The following KIAA1549 variants were observed in gnomAD, a reference collection of about 807,000 sequenced individuals.
The protein encoded by KIAA1549 is UPF0606 protein KIAA1549.
In KIAA1549, 70 loss-of-function variants were observed where a neutral mutation model predicts 156.4. The observed-to-expected ratio is 0.45, with a 90% CI of 0.37 to 0.55. KIAA1549 has a LOEUF of 0.55. KIAA1549 is among the 20% of genes least tolerant of loss of function. The pLI, the probability that KIAA1549 is intolerant of heterozygous loss-of-function variation, is 0.00. For missense variants in KIAA1549, 2,428 were observed against 2,540.9 expected (o/e 0.96, Z 0.96); for synonymous variants, 1,103 against 1,066.4 (o/e 1.03, Z -0.67).
chr7:138,972,479 T>G (rs111727565), intron 1 of KIAA1549, among the ~76,000 whole-genome samples: 25 of 150,202 alleles, frequency 1.7e-4, no homozygotes, highest in Non-Finnish European at 4.4e-5. Context: ...CCAGACCACC[T>G]CTTGCCAGCT....
intron 4 of KIAA1549, among the ~76,000 whole-genome samples, chr7:138,910,394 A>ATTATT (rs1482406289): frequency 1.6e-5 from 2 of 123,874 alleles, no homozygotes; most frequent in African/African-American, 6.0e-5. Context: ...TGTTTCTTAA[A>ATTATT]TTCTTTTTTT....
intron 9 of KIAA1549, among the ~76,000 whole-genome samples, chr7:138,898,168 A>G (rs1308019630): frequency 6.6e-6 from 1 of 151,150 alleles, no homozygotes; most frequent in African/African-American, 2.4e-5. Flanking sequence ...TTAGCTGGGC[A>G]TGGTGGTGTG....
At chr7:138,878,955 T>C (rs549575886) in intron 12 of KIAA1549, among the ~76,000 whole-genome samples, 1 of 152,242 alleles carries the variant, frequency 6.6e-6, no homozygotes, top group South Asian at 2.1e-4. Context: ...TCTAAAGACT[T>C]GTGGGTCTCA....
intron 16 of KIAA1549, among the ~76,000 whole-genome samples, chr7:138,854,476 T>C (rs1276230331): frequency 6.6e-6 from 1 of 152,138 alleles, no homozygotes; most frequent in Non-Finnish European, 1.5e-5. Flanking sequence ...AATAATGTCA[T>C]CAGGTGGCAA....
At position 138,917,766 on chromosome 7, in the gene KIAA1549, C is replaced by A; in HGVS notation, c.1860G>T (p.Leu620Phe). 6.3e-7 allele frequency: 1 copy of A among 1,580,048 alleles called. No homozygotes were observed. Among genetic ancestry groups the A allele is most frequent in the Admixed American group, 1.9e-5 (1 of 53,786 alleles). The change falls in exon 2 of 20, where the codon TTG becomes TTT. Residue 620 changes from leucine to phenylalanine, a missense_variant. By Grantham distance (22) the Leu-to-Phe change is conservative. Coordinates refer to ENST00000422774, the MANE Select transcript of KIAA1549 (RefSeq NM_001164665.2). ...SFSEHKPRGALDFASSFFSTP... is the reference protein window; with the variant it reads ...SFSEHKPRGAFDFASSFFSTP... ...TTGAGAAAAAGCTGGATGCAAAATC[C>A]AAAGCACCTCTGGGTTTATGCTCAG...
chr7:138,946,334 T>G (rs1427666625), intron 1 of KIAA1549, among the ~76,000 whole-genome samples: 1 of 152,214 alleles, frequency 6.6e-6, no homozygotes. Flanking sequence ...GACTCTTGAT[T>G]ACTGACCCTA....
At chr7:138,919,887 T>C (rs1248902818) in intron 1 of KIAA1549, among the ~76,000 whole-genome samples, 5 of 152,124 alleles carry the variant, frequency 3.3e-5, no homozygotes, top group Non-Finnish European at 4.4e-5. Flanking sequence ...GTGTGTTTTC[T>C]CTTCAGTGAT....
In KIAA1549 at chr7:138,918,944, G is replaced by C; in HGVS notation, c.682C>G (p.His228Asp). The change falls in exon 2 of 20, where the codon CAT (histidine) becomes GAT (aspartate). Residue 228 changes from histidine (H) to aspartate (D), a missense_variant. Physicochemically the swap from His to Asp is moderately conservative, Grantham distance 81. This residue lies in a region of KIAA1549 where 893 missense variants were observed against 847.9 expected (regional missense o/e 1.05). Coordinates refer to ENST00000422774, the MANE Select transcript of KIAA1549 (RefSeq NM_001164665.2). This position sits in a 1 kb window ranked among gnomAD's most constrained non-coding sequence, Gnocchi z 4.2. ...QPAAYAESAS[H>D]FHTFRSAFRT... Reference sequence around the variant, plus strand: ...AAAGCTGACCGAAAGGTGTGGAAATGACTGGCGGACTCAGCATATGCCGCT... The same window carrying C: ...AAAGCTGACCGAAAGGTGTGGAAATCACTGGCGGACTCAGCATATGCCGCT... The C allele has an allele frequency of 6.2e-7, 1 of 1,614,024 alleles. No homozygotes were observed. The highest frequency in any genetic ancestry group is 1.1e-5 in the South Asian group (1 of 91,064).
chr7:138,838,065 G>A lies in KIAA1549; in HGVS notation c.5694C>T (p.Leu1898=), dbSNP rs1255090297. The change falls in exon 20 of 20, where the codon CTC becomes CTT. Residue 1898 remains leucine, a synonymous_variant. Coordinates refer to ENST00000422774, the MANE Select transcript of KIAA1549 (RefSeq NM_001164665.2). ...GREPSAPSGN[L]PHRGLQGPGL... Reference sequence around the variant, plus strand: ...CAGGGCCCTGCAGTCCCCGGTGGGGGAGGTTCCCGGAAGGAGCTGAGGGCT... The same window carrying A: ...CAGGGCCCTGCAGTCCCCGGTGGGGAAGGTTCCCGGAAGGAGCTGAGGGCT... 8 of 1,593,764 alleles carry A rather than the reference G, an allele frequency of 5.0e-6. No individual in the cohort carries two copies. The highest frequency in any genetic ancestry group is 3.4e-6 in the Non-Finnish European group (4 of 1,170,746).
At chr7:138,906,506 C>T (rs1812009235) in intron 6 of KIAA1549, among the ~76,000 whole-genome samples, 1 of 152,148 alleles carries the variant, frequency 6.6e-6, no homozygotes, top group Non-Finnish European at 1.5e-5. Flanking sequence ...AAAAACTTCA[C>T]TAAAAAAACT....
chr7:138,845,422 A>T (rs896503599), intron 17 of KIAA1549, among the ~76,000 whole-genome samples: 1 of 152,098 alleles, frequency 6.6e-6, no homozygotes, highest in South Asian at 2.1e-4. Context: ...AGATCATCTT[A>T]AAAAAATATT....
chr7:138,871,030 TG>T, intron 13 of KIAA1549, 126 bp downstream of exon 13: 1 of 786,420 alleles, frequency 1.3e-6, no homozygotes, highest in Non-Finnish European at 2.0e-6. Context: ...TTGGCCAGGC[TG>T]GTCTCAAACT....
chr7:138,910,953 G>A (rs1812153149), intron 4 of KIAA1549, among the ~76,000 whole-genome samples, 193 bp downstream of exon 4: 1 of 152,032 alleles, frequency 6.6e-6, no homozygotes, highest in African/African-American at 2.4e-5. Flanking sequence ...GATTGTTCGA[G>A]CTCAGGGGTT....
rs371815913 is a variant in KIAA1549, at chr7:138,972,760, T to C, written c.187+8323A>G. ...CTGCCCAGGTGAACCTCCTCACTTT[T>C]GGTAAATTAGCCATGAGGTCCTTCC... On this transcript the variant is annotated intron_variant, in intron 1 of 19. Coordinates refer to ENST00000422774, the MANE Select transcript of KIAA1549 (RefSeq NM_001164665.2). Among the ~76,000 whole-genome samples the C allele has an allele frequency of 3.3e-5, 5 of 152,176 alleles. No homozygotes were observed. In the South Asian group the frequency reaches 1.0e-3, roughly 32 times the overall value.
chr7:138,963,769 T>C (rs1203852134), intron 1 of KIAA1549, among the ~76,000 whole-genome samples: 1 of 152,198 alleles, frequency 6.6e-6, no homozygotes, highest in Non-Finnish European at 1.5e-5. Context: ...ACCAGTGGTA[T>C]ACACTAACTT....
At chr7:138,915,109 C>T (rs1812280317) in intron 2 of KIAA1549, among the ~76,000 whole-genome samples, 1 of 152,240 alleles carries the variant, frequency 6.6e-6, no homozygotes, top group Non-Finnish European at 1.5e-5. Flanking sequence ...CTCCTCCCAT[C>T]ACAATGCCTA....
chr7:138,868,041 G>A lies in KIAA1549; in HGVS notation c.4863C>T (p.Thr1621=), dbSNP rs375688291. The A allele has an allele frequency of 2.5e-6, 4 of 1,613,856 alleles. No individual in the cohort carries two copies. The highest frequency in any genetic ancestry group is 3.4e-6 in the Non-Finnish European group (4 of 1,179,890). The change falls in exon 15 of 20, where the codon ACC becomes ACT. Residue 1621 remains threonine, a synonymous_variant. Coordinates refer to ENST00000422774, the MANE Select transcript of KIAA1549 (RefSeq NM_001164665.2). ...TCCTGTAGGTGCCATCGCTGTCTGT[G>A]GTGATGAGCCGGTCCTTCTCAGCGT... ...PADAEKDRLI[T]TDSDGTYRRP...
At chr7:138,872,654 C>T (rs969254416) in intron 12 of KIAA1549, among the ~76,000 whole-genome samples, 22 of 152,200 alleles carry the variant, frequency 1.4e-4, no homozygotes, top group African/African-American at 2.4e-5. Context: ...CCTGTCATCC[C>T]AGCACTTTGA....
At chr7:138,927,397 T>C (rs1460963350) in intron 1 of KIAA1549, among the ~76,000 whole-genome samples, 1 of 152,234 alleles carries the variant, frequency 6.6e-6, no homozygotes, top group African/African-American at 2.4e-5. Flanking sequence ...TCCCAGCACT[T>C]TGGGAGGCCA....
Sources: gnomAD v4.1 joint callset for allele counts (sites outside exome capture counted in the v4.1 genomes callset) on GRCh38, gnomAD v4.1.1 for gene constraint, gnomAD v4.1.1 regional missense constraint, Gnocchi (gnomAD v3.1) non-coding constraint, MANE v1.5 for transcripts, NCBI Gene and HGNC (gene_info 2026-07-23, HGNC 2026-07-21) for gene names.